SMARCC1: variants seen among roughly 807,000 people sequenced by gnomAD.
SMARCC1 encodes SWI/SNF complex subunit SMARCC1.
A neutral mutation model predicts 147.4 loss-of-function variants in SMARCC1; 43 were observed. The observed-to-expected ratio is 0.29, with a 90% CI of 0.23 to 0.38. SMARCC1 has a LOEUF of 0.38. Ranked by LOEUF, SMARCC1 falls within the 10% of genes least tolerant of loss-of-function variation. The probability of loss-of-function intolerance (pLI) is 1.00; values close to 1 mark genes in which losing one functional copy is unlikely to be tolerated. For missense variants in SMARCC1, 1,119 were observed against 1,381.1 expected, an observed-to-expected ratio of 0.81 and a Z score of 3.01; for synonymous variants, 495 against 484.4, an observed-to-expected ratio of 1.02 and a Z score of -0.29.
chr3:47,633,784 ACACACACACACACACACAC>A (rs2032931021), intron 24 of SMARCC1, among the ~76,000 whole-genome samples: 1 of 34,536 alleles, frequency 2.9e-5, no homozygotes, highest in East Asian at 1.6e-3. Flanking sequence ...ATATATACAC[ACACACACACACACACACAC>A]ACACACACAC....
chr3:47,703,258 C>T (rs2033948948), intron 10 of SMARCC1, among the ~76,000 whole-genome samples: 1 of 152,160 alleles, frequency 6.6e-6, no homozygotes, highest in African/African-American at 2.4e-5. Context: ...AATGCTAAGC[C>T]GGGCATGGTG....
At chr3:47,737,357 C>T (rs2034455783) in intron 4 of SMARCC1, among the ~76,000 whole-genome samples, 1 of 152,066 alleles carries the variant, frequency 6.6e-6, no homozygotes, top group Non-Finnish European at 1.5e-5. Context: ...TCTGACTGCA[C>T]CACTGCACTC....
At chr3:47,665,016 A>G (rs1431047749) in intron 19 of SMARCC1, among the ~76,000 whole-genome samples, 3 of 151,814 alleles carry the variant, frequency 2.0e-5, no homozygotes, top group African/African-American at 7.3e-5. Flanking sequence ...CTTAATTTTT[A>G]GAGACATGTT....
intron 25 of SMARCC1, among the ~76,000 whole-genome samples, chr3:47,618,902 T>C (rs970729600): frequency 1.3e-5 from 2 of 152,182 alleles, no homozygotes; most frequent in African/African-American, 2.4e-5. Flanking sequence ...TCAGTTATGC[T>C]TTGCAAATGA....
chr3:47,624,471 A>C (rs2032778614), intron 24 of SMARCC1, among the ~76,000 whole-genome samples: 1 of 152,184 alleles, frequency 6.6e-6, no homozygotes, highest in Admixed American at 6.5e-5. Flanking sequence ...AGACTTCTTA[A>C]AAGTAAAATG....
At chr3:47,750,232 C>T (rs2034614520) in intron 2 of SMARCC1, among the ~76,000 whole-genome samples, 1 of 152,082 alleles carries the variant, frequency 6.6e-6, no homozygotes, top group South Asian at 2.1e-4. Flanking sequence ...TCAAGAGATC[C>T]AAGACCATCC....
At chr3:47,697,973 A>G (rs1576414838) in intron 11 of SMARCC1, among the ~76,000 whole-genome samples, 1 of 119,532 alleles carries the variant, frequency 8.4e-6, no homozygotes, top group African/African-American at 3.1e-5. Context: ...GCGCCACTGC[A>G]CTCCAGCCTG....
chr3:47,600,997 A>AAGAGAGAGAGAGAGAG (rs1559622849), intron 26 of SMARCC1, among the ~76,000 whole-genome samples: 2 of 28,876 alleles, frequency 6.9e-5, no homozygotes, highest in African/African-American at 1.5e-4. Context: ...GAGGAAGAAA[A>AAGAGAGAGAGAGAGAG]TGAGAGAGAG....
intron 26 of SMARCC1, among the ~76,000 whole-genome samples, chr3:47,592,804 T>C (rs897860559): frequency 6.9e-6 from 1 of 145,618 alleles, no homozygotes; most frequent in Non-Finnish European, 1.5e-5. Context: ...TCACTACGTT[T>C]CCCAGGCTGG....
At chr3:47,609,107 A>T (rs1040506579) in intron 26 of SMARCC1, among the ~76,000 whole-genome samples, 1 of 152,218 alleles carries the variant, frequency 6.6e-6, no homozygotes, top group Non-Finnish European at 1.5e-5. Context: ...TTAACTGAAT[A>T]CTGATTCAAA....
chr3:47,696,083 G>A (rs984780443), intron 11 of SMARCC1, among the ~76,000 whole-genome samples: 3 of 146,012 alleles, frequency 2.1e-5, no homozygotes, highest in Non-Finnish European at 3.0e-5. Context: ...AAAAAGGGGG[G>A]GGGGGGGCCA....
At chr3:47,695,150 G>A (rs1381471264) in intron 11 of SMARCC1, among the ~76,000 whole-genome samples, 1 of 152,156 alleles carries the variant, frequency 6.6e-6, no homozygotes, top group Non-Finnish European at 1.5e-5. Context: ...TAAGTCAGGA[G>A]GATAGGCCCC....
intron 9 of SMARCC1, among the ~76,000 whole-genome samples, chr3:47,708,100 T>TTTTTA (rs2034036958): frequency 8.6e-6 from 1 of 116,684 alleles, no homozygotes; most frequent in Admixed American, 9.0e-5. Flanking sequence ...TTTTTTTTTT[T>TTTTTA]TTTTTTTTTT....
In SMARCC1 at chr3:47,745,766, T is replaced by TG. The variant is rs2034558092; in HGVS notation, c.401+141dup. The TG allele has an allele frequency of 1.6e-5, 8 of 499,736 alleles. No individual in the cohort carries two copies. The East Asian group carries it at 2.6e-4, about 16-fold the overall frequency. 31.0% of individuals were successfully genotyped at this position (499,736 alleles called of 1,614,324 possible). A position where few individuals can be genotyped will look rare whatever the true frequency, so the allele number is the denominator to read the frequency against. On this transcript the variant is annotated intron_variant, in intron 3 of 27. Transcript: ENST00000254480. Reference sequence around the variant, plus strand: ...ATACGTGGTTGCTTGATATTTTTCTTGGATGTAGAAACAAGGTAAATTAGG... The same window carrying TG: ...ATACGTGGTTGCTTGATATTTTTCTTGGGATGTAGAAACAAGGTAAATTAGG...
intron 4 of SMARCC1, among the ~76,000 whole-genome samples, chr3:47,736,753 TC>T (rs1186310679): frequency 1.3e-5 from 2 of 152,104 alleles, no homozygotes; most frequent in Non-Finnish European, 2.9e-5. Context: ...GTATGTTAAC[TC>T]CCCAAATCAT....
intron 2 of SMARCC1, among the ~76,000 whole-genome samples, chr3:47,763,695 C>G (rs2034802141): frequency 6.6e-6 from 1 of 151,608 alleles, no homozygotes; most frequent in African/African-American, 2.4e-5. Context: ...TATGTTTACA[C>G]TATATTTTCA....
chr3:47,688,807 G>C (rs1307480700), intron 13 of SMARCC1, among the ~76,000 whole-genome samples: 2 of 152,182 alleles, frequency 1.3e-5, no homozygotes, highest in Non-Finnish European at 1.5e-5. Flanking sequence ...GGTCGGCACT[G>C]AATATTACCT....
chr3:47,720,793 AT>A (rs1166949802), intron 6 of SMARCC1, 58 bp from the exon 7 acceptor site: 1 of 1,251,126 alleles, frequency 8.0e-7, no homozygotes, highest in African/African-American at 1.5e-5. Context: ...AGAAACTATG[AT>A]TTTTAGCCTT....
chr3:47,668,952 C>T lies in SMARCC1; in HGVS notation c.1899+1706G>A, dbSNP rs573008192. On this transcript the variant is annotated intron_variant, in intron 19 of 27. Coordinates refer to ENST00000254480, the MANE Select transcript of SMARCC1 (RefSeq NM_003074.4). ...ACCCCAATGAGTCTACCAGATTTAT[C>T]GATTTATTAGAAAGAGACTATATTT... 7.3e-5 allele frequency among the ~76,000 whole-genome samples: 11 copies of T among 151,492 alleles called. No individual in the cohort carries two copies. The East Asian group carries it at 1.9e-3, about 27-fold the overall frequency.
Sources: gnomAD v4.1 joint callset for allele counts (sites outside exome capture counted in the v4.1 genomes callset) on GRCh38, gnomAD v4.1.1 for gene constraint, MANE v1.5 for transcripts, NCBI Gene and HGNC (gene_info 2026-07-23, HGNC 2026-07-21) for gene names.